ACYP2: variants seen among roughly 807,000 people sequenced by gnomAD.
The protein encoded by ACYP2 is acylphosphatase-2.
A neutral mutation model predicts 11.2 loss-of-function variants in ACYP2; 12 were observed. The ratio of observed to expected loss-of-function variants is 1.08; its 90% CI spans 0.69 to 1.74. ACYP2 has a LOEUF of 1.74. Among genes scored for constraint, ACYP2 ranks in the 40% most tolerant of loss-of-function variants. The pLI is 0.00. For missense variants in ACYP2, 134 were observed against 101.9 expected (o/e 1.31, Z -1.35); for synonymous variants, 43 against 32.2 (o/e 1.33, Z -1.13).
chr2:54,008,019 G>A (rs1053501408), intron 2 of ACYP2, among the ~76,000 whole-genome samples: 3 of 152,220 alleles, frequency 2.0e-5, no homozygotes, highest in African/African-American at 7.2e-5. Context: ...ACACCTCAGA[G>A]GTTAGAAGCA....
intron 6 of ACYP2, among the ~76,000 whole-genome samples, chr2:54,141,315 G>C (rs1291773790): frequency 6.6e-6 from 1 of 152,052 alleles, no homozygotes; most frequent in East Asian, 1.9e-4. Context: ...CTCAAATATG[G>C]CTATTTTTTT....
chr2:54,088,258 A>G (rs1384549997), intron 4 of ACYP2, among the ~76,000 whole-genome samples: 2 of 152,198 alleles, frequency 1.3e-5, no homozygotes, highest in Admixed American at 1.3e-4. Context: ...AGAGAGAGAA[A>G]GCCAGCATGA....
At chr2:54,122,761 G>T (rs369987758) in intron 4 of ACYP2, among the ~76,000 whole-genome samples, 7 of 152,290 alleles carry the variant, frequency 4.6e-5, no homozygotes, top group African/African-American at 1.7e-4. Context: ...ATGGTTCAGT[G>T]CCTTGCAGAG....
intron 4 of ACYP2, among the ~76,000 whole-genome samples, chr2:54,113,121 A>G (rs1194903239): frequency 6.6e-6 from 1 of 152,134 alleles, no homozygotes; most frequent in Admixed American, 6.5e-5. Context: ...ATTGTCCTGT[A>G]TGTTTTAAGT....
intron 6 of ACYP2, among the ~76,000 whole-genome samples, chr2:54,251,566 A>G (rs1687226318): frequency 6.9e-6 from 1 of 143,890 alleles, no homozygotes; most frequent in African/African-American, 2.7e-5. Flanking sequence ...ACTTCCTTCC[A>G]ATCAATAGGT....
At chr2:54,117,542 A>G (rs1484050925) in intron 4 of ACYP2, among the ~76,000 whole-genome samples, 1 of 152,156 alleles carries the variant, frequency 6.6e-6, no homozygotes, top group Non-Finnish European at 1.5e-5. Context: ...ATCCTCCTGC[A>G]CTTCGCCTCC....
chr2:54,079,143 C>G (rs1269115716), intron 4 of ACYP2, among the ~76,000 whole-genome samples: 1 of 152,124 alleles, frequency 6.6e-6, no homozygotes, highest in African/African-American at 2.4e-5. Flanking sequence ...TATTGTTTAT[C>G]TTTGTCTCCT....
At chr2:54,000,237 A>T (rs1672741437) in intron 2 of ACYP2, among the ~76,000 whole-genome samples, 2 of 152,160 alleles carry the variant, frequency 1.3e-5, no homozygotes, top group South Asian at 4.1e-4. Flanking sequence ...AGAAAAAGCT[A>T]TTCCCCAGAC....
intron 6 of ACYP2, among the ~76,000 whole-genome samples, chr2:54,268,987 G>C (rs1199539306): frequency 2.0e-5 from 3 of 152,096 alleles, no homozygotes; most frequent in Non-Finnish European, 4.4e-5. Flanking sequence ...ACCCAATGAA[G>C]TTTGTGTCAT....
At chr2:54,294,743 T>G (rs1336270100) in intron 6 of ACYP2, among the ~76,000 whole-genome samples, 2 of 151,488 alleles carry the variant, frequency 1.3e-5, no homozygotes, top group South Asian at 2.1e-4. Flanking sequence ...AGACCCCATC[T>G]CTACAAAAAA....
intron 6 of ACYP2, among the ~76,000 whole-genome samples, chr2:54,150,780 C>A (rs553518451): frequency 1.5e-5 from 2 of 136,826 alleles, no homozygotes; most frequent in South Asian, 4.6e-4. Context: ...CTTGCTCTGT[C>A]GCCCAGGCTA....
intron 4 of ACYP2, among the ~76,000 whole-genome samples, chr2:54,118,354 C>CTG (rs913500783): frequency 1.3e-4 from 20 of 151,480 alleles, no homozygotes; most frequent in African/African-American, 4.6e-4. Flanking sequence ...GTGAAGGAGT[C>CTG]TGTGTGTGTG....
intron 2 of ACYP2, among the ~76,000 whole-genome samples, chr2:54,013,255 ATGTG>A (rs60289014): frequency 0.22 from 25,553 of 116,806 alleles, 3,542 homozygotes; most frequent in Middle Eastern, 0.25. Flanking sequence ...ACCATCTAAT[ATGTG>A]TGTGTGTGTG....
At chr2:54,274,656 T>C (rs1290826646) in intron 6 of ACYP2, among the ~76,000 whole-genome samples, 2 of 139,452 alleles carry the variant, frequency 1.4e-5, no homozygotes, top group African/African-American at 5.3e-5. Context: ...AAAAAAAAGT[T>C]CTCTGAAACT....
intron 3 of ACYP2, among the ~76,000 whole-genome samples, chr2:54,052,355 A>G (rs1317155450): frequency 2.6e-5 from 4 of 152,100 alleles, no homozygotes; most frequent in Admixed American, 2.0e-4. Flanking sequence ...GGCATTTTCA[A>G]TAGCCACTAT....
intron 6 of ACYP2, among the ~76,000 whole-genome samples, chr2:54,189,143 C>A (rs988870299): frequency 4.6e-5 from 7 of 152,032 alleles, no homozygotes; most frequent in South Asian, 2.1e-4. Flanking sequence ...ATTAACATAC[C>A]CATCATCTCA....
At chr2:54,280,681 A>T (rs1688810170) in intron 6 of ACYP2, among the ~76,000 whole-genome samples, 1 of 152,218 alleles carries the variant, frequency 6.6e-6, no homozygotes, top group African/African-American at 2.4e-5. Flanking sequence ...TATGCCTTTC[A>T]TTTAGCAACT....
chr2:54,275,139 C>G (rs954709747), intron 6 of ACYP2, among the ~76,000 whole-genome samples: 1 of 152,108 alleles, frequency 6.6e-6, no homozygotes, highest in African/African-American at 2.4e-5. Flanking sequence ...TTATTTGAAC[C>G]CTGAGTTAAA....
intron 4 of ACYP2, among the ~76,000 whole-genome samples, chr2:54,086,241 G>A (rs1004079816): frequency 7.9e-5 from 12 of 152,120 alleles, no homozygotes; most frequent in African/African-American, 1.4e-4. Flanking sequence ...TAGAGGGCCC[G>A]GCACAGCCAC....
Sources: allele counts gnomAD v4.1 joint callset (sites outside exome capture counted in the v4.1 genomes callset), GRCh38; gene constraint gnomAD v4.1.1; transcripts MANE v1.5; gene names NCBI Gene and HGNC (gene_info 2026-07-23, HGNC 2026-07-21).